The following LMX1B variants were observed in gnomAD, a reference collection of about 807,000 sequenced individuals.
LMX1B encodes the protein LIM homeobox transcription factor 1 beta.
In LMX1B, 12 loss-of-function variants were observed where a neutral mutation model predicts 51.4. That is an observed-to-expected ratio of 0.23 (90% CI 0.15 to 0.38). The LOEUF (loss-of-function observed/expected upper bound fraction) is 0.38. Ranked by LOEUF, LMX1B falls within the 10% of genes least tolerant of loss-of-function variation. The pLI, the probability that LMX1B is intolerant of heterozygous loss-of-function variation, is 1.00. For missense variants in LMX1B, 445 were observed against 571.1 expected (o/e 0.78, Z 2.25); for synonymous variants, 237 against 235.4 (o/e 1.01, Z -0.06).
intron 2 of LMX1B, among the ~76,000 whole-genome samples, chr9:126,636,541 A>C (rs1408225894): frequency 2.0e-5 from 3 of 151,994 alleles, no homozygotes; most frequent in African/African-American, 7.3e-5. Flanking sequence ...TTGAGGTTAC[A>C]ACATGCACTC....
intron 2 of LMX1B, among the ~76,000 whole-genome samples, chr9:126,686,426 T>C (rs144683981): frequency 1.3e-5 from 2 of 152,248 alleles, no homozygotes; most frequent in Admixed American, 1.3e-4. Flanking sequence ...ACTCAGAGGA[T>C]ATGGAGATAT....
At position 126,614,106 on chromosome 9, in the gene LMX1B, G is replaced by GCCGCCA. The variant is rs1212723823; in HGVS notation, c.-332_-327dup. On this transcript the variant is annotated 5_prime_UTR_variant, in exon 1 of 8. Transcript: ENST00000373474. The stretch of plus-strand genomic sequence containing the variant: ...CCCACCCCCTCCCCCGCCTGCCGCC[G>GCCGCCA]CCGCCACCGCCACCGCCGCCGCCGC... Among the ~76,000 whole-genome samples, 9 of 108,184 alleles carry GCCGCCA rather than the reference G, an allele frequency of 8.3e-5. No homozygotes were observed. Among genetic ancestry groups the GCCGCCA allele is most frequent in the South Asian group, 3.2e-4 (1 of 3,086 alleles). The allele number at this position is 108,184 out of a possible 152,430, so 71.0% of individuals were successfully genotyped here. A position where few individuals can be genotyped will look rare whatever the true frequency, so the allele number is the denominator to read the frequency against.
chr9:126,693,106 G>GC, intron 3 of LMX1B, 36 bp from the exon 4 acceptor site: 1 of 1,544,690 alleles, frequency 6.5e-7, no homozygotes, highest in Non-Finnish European at 8.8e-7. Flanking sequence ...GGCTGCCCCC[G>GC]CCCCTTCATC....
intron 2 of LMX1B, among the ~76,000 whole-genome samples, chr9:126,664,706 G>A (rs1025978604): frequency 6.6e-6 from 1 of 152,084 alleles, no homozygotes; most frequent in Non-Finnish European, 1.5e-5. Flanking sequence ...AAACCCCGTC[G>A]ATACTAAAAA....
intron 2 of LMX1B, among the ~76,000 whole-genome samples, chr9:126,616,458 G>A (rs1182199576): frequency 2.6e-5 from 4 of 152,164 alleles, no homozygotes; most frequent in African/African-American, 9.7e-5. Flanking sequence ...GACCTCCTGG[G>A]TTTTCTGCCT....
rs144566876 is a variant in LMX1B, at chr9:126,672,371, G to A, written c.327-18465G>A. Among the ~76,000 whole-genome samples, 500 of 152,352 alleles carry A rather than the reference G, an allele frequency of 3.3e-3. 1 individual carries two copies. The highest frequency in any genetic ancestry group is 5.8e-3 in the Admixed American group (89 of 15,304). On this transcript the variant is annotated intron_variant, in intron 2 of 7. Coordinates refer to ENST00000373474, the MANE Select transcript of LMX1B (RefSeq NM_001174147.2). ...GGTGAAGCAGGGTTTGTGCCCATGC[G>A]GGGCTCACACACTGTAGAGAGCTGT...
At chr9:126,640,426 C>T (rs571024537) in intron 2 of LMX1B, among the ~76,000 whole-genome samples, 1 of 152,330 alleles carries the variant, frequency 6.6e-6, no homozygotes, top group South Asian at 2.1e-4. Flanking sequence ...TCCACTGGCA[C>T]CAGTTTTTGT....
At chr9:126,694,036 G>A (rs2030244502) in intron 6 of LMX1B, among the ~76,000 whole-genome samples, 1 of 152,178 alleles carries the variant, frequency 6.6e-6, no homozygotes, top group Non-Finnish European at 1.5e-5. Flanking sequence ...AGATCCCAGG[G>A]AACTTCTGCT....
At chr9:126,654,359 C>T (rs963150571) in intron 2 of LMX1B, among the ~76,000 whole-genome samples, 6 of 152,258 alleles carry the variant, frequency 3.9e-5, no homozygotes, top group Non-Finnish European at 7.3e-5. Flanking sequence ...GGTCTGTTTA[C>T]TCAGCAGCCT....
At chr9:126,669,072 G>C (rs985365507) in intron 2 of LMX1B, among the ~76,000 whole-genome samples, 6 of 152,352 alleles carry the variant, frequency 3.9e-5, no homozygotes, top group African/African-American at 1.4e-4. Context: ...GGGGCTCTCT[G>C]GCAGCTTGAG....
intron 2 of LMX1B, among the ~76,000 whole-genome samples, chr9:126,672,471 A>T (rs561964024): frequency 1.1e-3 from 171 of 151,664 alleles, no homozygotes; most frequent in Non-Finnish European, 1.7e-3. Flanking sequence ...ATTTTATTTT[A>T]TTTTTTTTCC....
intron 2 of LMX1B, among the ~76,000 whole-genome samples, chr9:126,667,321 C>T (rs1428877008): frequency 1.3e-5 from 2 of 152,248 alleles, no homozygotes; most frequent in Non-Finnish European, 2.9e-5. Flanking sequence ...CTTGCAGCCA[C>T]GACGTAACAG....
In LMX1B at chr9:126,677,624, C is replaced by CTACCTCT. The variant is rs1318810223; in HGVS notation, c.327-13206_327-13205insTTACCTC. The stretch of plus-strand genomic sequence containing the variant: ...GGTGACCTGTGTAAGGAAGAGACTC[C>CTACCTCT]TACCTCCGGTAGTGGTCATGAGGCA... On this transcript the variant is annotated intron_variant, in intron 2 of 7. Coordinates refer to ENST00000373474, the MANE Select transcript of LMX1B (RefSeq NM_001174147.2). The surrounding 1 kb of genome is among the most constrained non-coding windows in gnomAD (Gnocchi z 5.0). 1.3e-5 allele frequency among the ~76,000 whole-genome samples: 2 copies of CTACCTCT among 152,162 alleles called. No individual in the cohort carries two copies. Among genetic ancestry groups the CTACCTCT allele is most frequent in the East Asian group, 3.9e-4 (2 of 5,186 alleles).
intron 2 of LMX1B, among the ~76,000 whole-genome samples, chr9:126,622,232 G>C (rs1226610415): frequency 2.6e-5 from 4 of 152,180 alleles, no homozygotes; most frequent in Non-Finnish European, 4.4e-5. Context: ...GGCACTTGGT[G>C]AACTGGGGGG....
intron 2 of LMX1B, among the ~76,000 whole-genome samples, chr9:126,621,180 A>G (rs1429369685): frequency 6.6e-6 from 1 of 152,262 alleles, no homozygotes; most frequent in African/African-American, 2.4e-5. Flanking sequence ...TCTCACCGAC[A>G]TGAGTTATAA....
rs1470598920 is a variant in LMX1B, at chr9:126,618,912, G to T, written c.326+3343G>T. Among the ~76,000 whole-genome samples the T allele has an allele frequency of 6.6e-6, 1 of 151,954 alleles. No homozygotes were observed. The stretch of plus-strand genomic sequence containing the variant: ...CGCTGGGGTGCAAGCGGGCGCCTTT[G>T]TGCACGGCGAGACGCGGGGTTCCGG... On this transcript the variant is annotated intron_variant, in intron 2 of 7. Transcript: ENST00000373474. This position sits in a 1 kb window ranked among gnomAD's most constrained non-coding sequence, Gnocchi z 4.5.
Position 126,622,266 on chromosome 9 carries a change from G to A in LMX1B, c.326+6697G>A, listed in dbSNP as rs549996591. On this transcript the variant is annotated intron_variant, in intron 2 of 7. Transcript: ENST00000373474. Reference sequence around the variant, plus strand: ...GGAAGTGTTGCTGAAGGAAAAACCCGGTTCCTGGAGCCTGGTTCCAGAAGA... The same window carrying A: ...GGAAGTGTTGCTGAAGGAAAAACCCAGTTCCTGGAGCCTGGTTCCAGAAGA... 3.3e-5 allele frequency among the ~76,000 whole-genome samples: 5 copies of A among 152,294 alleles called. No homozygotes were observed. In the East Asian group the frequency reaches 5.8e-4, roughly 18 times the overall value.
chr9:126,672,940 A>G (rs909741716), intron 2 of LMX1B, among the ~76,000 whole-genome samples: 3 of 152,344 alleles, frequency 2.0e-5, no homozygotes, highest in African/African-American at 7.2e-5. Flanking sequence ...ACACTGGCAC[A>G]GGACTTGGTC....
chr9:126,656,433 A>AGATAGATAGATAG (rs1564156995), intron 2 of LMX1B, among the ~76,000 whole-genome samples: 1 of 146,328 alleles, frequency 6.8e-6, no homozygotes, highest in Non-Finnish European at 1.5e-5. Flanking sequence ...ATAGATAGAT[A>AGATAGATAGATAG]GATAGGATAG....
Sources: allele counts gnomAD v4.1 joint callset (sites outside exome capture counted in the v4.1 genomes callset), GRCh38; gene constraint gnomAD v4.1.1; non-coding constraint Gnocchi (gnomAD v3.1); transcripts MANE v1.5; gene names NCBI Gene and HGNC (gene_info 2026-07-23, HGNC 2026-07-21).